Variants in ELP4 observed in about 807,000 individuals in gnomAD.
ELP4 encodes the protein elongator complex protein 4.
In ELP4, 51 loss-of-function variants were observed where a neutral mutation model predicts 48.9. The observed-to-expected ratio is 1.04, with a 90% confidence interval of 0.83 to 1.32. The LOEUF is 1.32. Ranked by LOEUF, ELP4 falls within the 40% of genes most tolerant of loss-of-function variation. ELP4 has a pLI of 0.00. For missense variants in ELP4, 519 were observed against 514.6 expected (o/e 1.01, Z -0.08); for synonymous variants, 210 against 189.2 (o/e 1.11, Z -0.90).
intron 9 of ELP4, among the ~76,000 whole-genome samples, chr11:31,715,725 C>G (rs1946830152): frequency 2.0e-5 from 3 of 152,292 alleles, no homozygotes; most frequent in African/African-American, 7.2e-5. Context: ...AATCCTTGCT[C>G]TTTTACTGCT....
At chr11:31,674,965 A>G (rs538064256) in intron 9 of ELP4, among the ~76,000 whole-genome samples, 1 of 152,318 alleles carries the variant, frequency 6.6e-6, no homozygotes, top group Admixed American at 6.5e-5. Flanking sequence ...CTTGGATTGT[A>G]AAGTGTGCGC....
intron 2 of ELP4, among the ~76,000 whole-genome samples, chr11:31,520,516 ATTTTAG>A (rs1956195567): frequency 6.6e-6 from 1 of 152,090 alleles, no homozygotes; most frequent in Non-Finnish European, 1.5e-5. Flanking sequence ...AGTAAATCAT[ATTTTAG>A]TTCATCTTTA....
chr11:31,577,807 C>T (rs149964866), intron 3 of ELP4, among the ~76,000 whole-genome samples: 3,275 of 152,012 alleles, frequency 0.022, 66 homozygotes, highest in Non-Finnish European at 0.028. Flanking sequence ...AAATAATAAG[C>T]GCTATTTATG....
At chr11:31,622,025 C>T (rs951395125) in intron 5 of ELP4, among the ~76,000 whole-genome samples, 1 of 151,822 alleles carries the variant, frequency 6.6e-6, no homozygotes, top group African/African-American at 2.4e-5. Context: ...CTATACTTAA[C>T]CTCACAAGGT....
At chr11:31,748,469 T>A (rs1233705043) in intron 9 of ELP4, among the ~76,000 whole-genome samples, 1 of 151,856 alleles carries the variant, frequency 6.6e-6, no homozygotes, top group Non-Finnish European at 1.5e-5. Flanking sequence ...GGTCTTGAAC[T>A]CCTGACCTCA....
chr11:31,598,138 T>G (rs1422964433), intron 4 of ELP4, among the ~76,000 whole-genome samples: 1 of 151,824 alleles, frequency 6.6e-6, no homozygotes, highest in African/African-American at 2.4e-5. Context: ...GTATTTTTAA[T>G]AGAGATGGGG....
chr11:31,574,354 G>A (rs1051532933), intron 3 of ELP4, among the ~76,000 whole-genome samples: 1 of 152,124 alleles, frequency 6.6e-6, no homozygotes, highest in African/African-American at 2.4e-5. Flanking sequence ...CTCCACCTCT[G>A]GGGGCAGGGC....
chr11:31,687,876 C>T (rs1946195064), intron 9 of ELP4, among the ~76,000 whole-genome samples: 1 of 152,056 alleles, frequency 6.6e-6, no homozygotes, highest in Non-Finnish European at 1.5e-5. Flanking sequence ...ATCAGGGTTA[C>T]CCCCAAACCA....
intron 9 of ELP4, among the ~76,000 whole-genome samples, chr11:31,725,046 A>G (rs899302166): frequency 6.6e-6 from 1 of 152,172 alleles, no homozygotes; most frequent in Non-Finnish European, 1.5e-5. Context: ...TCGTTGGGCC[A>G]GGGGAAAAAG....
Position 31,777,071 on chromosome 11 carries a change from A to G in ELP4, c.1144-6322A>G, listed in dbSNP as rs1361270441. 2.6e-5 allele frequency among the ~76,000 whole-genome samples: 4 copies of G among 152,312 alleles called. No individual in the cohort carries two copies. In the Middle Eastern group the frequency reaches 0.01, roughly 389 times the overall value. Reference sequence around the variant, plus strand: ...CATTGCAAATCCTAACCAGATGTAGAATAATTACAATATAATATTACATTG... The same window carrying G: ...CATTGCAAATCCTAACCAGATGTAGGATAATTACAATATAATATTACATTG... On this transcript the variant is annotated intron_variant, in intron 9 of 9. Coordinates refer to ENST00000640961, the MANE Select transcript of ELP4 (RefSeq NM_019040.5).
chr11:31,623,379 ATATATATATAT>A (rs1565084222), intron 5 of ELP4, among the ~76,000 whole-genome samples: 8 of 72,656 alleles, frequency 1.1e-4, no homozygotes, highest in South Asian at 1.1e-3. Flanking sequence ...ATATATATAT[ATATATATATAT>A]AAAACTAGAA....
chr11:31,696,041 A>G (rs1402011699), intron 9 of ELP4, among the ~76,000 whole-genome samples: 1 of 151,682 alleles, frequency 6.6e-6, no homozygotes, highest in Non-Finnish European at 1.5e-5. Flanking sequence ...TATTGCATCT[A>G]TTTGATTCTT....
At chr11:31,699,727 A>G (rs537651548) in intron 9 of ELP4, among the ~76,000 whole-genome samples, 3 of 152,262 alleles carry the variant, frequency 2.0e-5, no homozygotes, top group African/African-American at 7.2e-5. Context: ...TTTCTGAACA[A>G]TATGACCAGA....
chr11:31,533,405 T>G (rs1956437415), intron 2 of ELP4, among the ~76,000 whole-genome samples: 1 of 126,862 alleles, frequency 7.9e-6, no homozygotes. Flanking sequence ...TGTGACAGAG[T>G]CTCGCTCTTT....
chr11:31,567,530 C>A (rs1319124832), intron 3 of ELP4, among the ~76,000 whole-genome samples: 1 of 152,102 alleles, frequency 6.6e-6, no homozygotes, highest in Non-Finnish European at 1.5e-5. Context: ...ATGATATTCT[C>A]CCAGTTGTAA....
chr11:31,596,742 A>G, intron 4 of ELP4, among the ~76,000 whole-genome samples: 1 of 152,326 alleles, frequency 6.6e-6, no homozygotes, highest in Admixed American at 6.5e-5. Flanking sequence ...CTACAAATTT[A>G]AGAGAGAATA....
At chr11:31,631,583 C>T (rs1944862513) in intron 6 of ELP4, among the ~76,000 whole-genome samples, 1 of 152,070 alleles carries the variant, frequency 6.6e-6, no homozygotes, top group South Asian at 2.1e-4. Context: ...TTTAAATGTT[C>T]TTTTCCCAAG....
chr11:31,700,172 G>A (rs1055663152), intron 9 of ELP4, among the ~76,000 whole-genome samples: 1 of 151,754 alleles, frequency 6.6e-6, no homozygotes. Context: ...GGATACTTCA[G>A]AAAAGACTAA....
chr11:31,771,339 A>AT (rs576129191), intron 9 of ELP4, among the ~76,000 whole-genome samples: 18 of 151,852 alleles, frequency 1.2e-4, no homozygotes, highest in African/African-American at 2.9e-4. Context: ...GTTTGCAACA[A>AT]TTTTTTTTTC....
Sources: allele counts gnomAD v4.1 joint callset (sites outside exome capture counted in the v4.1 genomes callset), GRCh38; gene constraint gnomAD v4.1.1; transcripts MANE v1.5; gene names NCBI Gene and HGNC (gene_info 2026-07-23, HGNC 2026-07-21).